The following CCSER2 variants were observed in gnomAD, a reference collection of about 807,000 sequenced individuals.
CCSER2 encodes the protein coiled-coil serine rich protein 2.
In CCSER2, 46 loss-of-function variants were observed where a neutral mutation model predicts 92.3. That is an observed-to-expected ratio of 0.50 (90% CI 0.39 to 0.64). The LOEUF is 0.64. Among genes scored for constraint, CCSER2 ranks in the 30% least tolerant of loss-of-function variants. The pLI is 0.00. For missense variants in CCSER2, 1,244 were observed against 1,238.9 expected (o/e 1.00, Z -0.06); for synonymous variants, 433 against 431.4 (o/e 1.00, Z -0.04).
At chr10:84,360,308 A>G (rs749027536) in intron 1 of CCSER2, among the ~76,000 whole-genome samples, 1 of 152,088 alleles carries the variant, frequency 6.6e-6, no homozygotes, top group African/African-American at 2.4e-5. Flanking sequence ...TTGTGATTCT[A>G]TCTTTTTTTC....
intron 3 of CCSER2, among the ~76,000 whole-genome samples, chr10:84,386,528 C>G (rs1175757355): frequency 6.6e-6 from 1 of 152,124 alleles, no homozygotes; most frequent in Non-Finnish European, 1.5e-5. Flanking sequence ...ACCAGCTTGG[C>G]CAACATGGCT....
At chr10:84,443,570 G>A (rs1013420905) in intron 6 of CCSER2, among the ~76,000 whole-genome samples, 1 of 152,160 alleles carries the variant, frequency 6.6e-6, no homozygotes, top group African/African-American at 2.4e-5. Context: ...CAACCATTGT[G>A]GAAGACAGTG....
chr10:84,460,963 T>C (rs1013847544), intron 6 of CCSER2, among the ~76,000 whole-genome samples: 3 of 152,176 alleles, frequency 2.0e-5, no homozygotes, highest in African/African-American at 7.2e-5. Flanking sequence ...TCAGTTTCAT[T>C]AATTTCTGCT....
At chr10:84,355,530 C>A (rs1845119999) in intron 1 of CCSER2, among the ~76,000 whole-genome samples, 1 of 152,192 alleles carries the variant, frequency 6.6e-6, no homozygotes, top group Non-Finnish European at 1.5e-5. Flanking sequence ...CCATGTGCTA[C>A]CCCATATACT....
At chr10:84,471,086 A>G (rs527614505) in intron 8 of CCSER2, among the ~76,000 whole-genome samples, 14 of 152,236 alleles carry the variant, frequency 9.2e-5, no homozygotes, top group African/African-American at 3.1e-4. Context: ...CTCAAAAGGA[A>G]ATCTTTGTTG....
At chr10:84,464,110 A>G in intron 7 of CCSER2, 94 bp downstream of exon 7, 1 of 645,286 alleles carries the variant, frequency 1.5e-6, no homozygotes, top group Non-Finnish European at 2.7e-6. Flanking sequence ...AAATGTATTA[A>G]TACCTAAAGC....
At chr10:84,383,302 T>TTTTA (rs1333734695) in intron 3 of CCSER2, among the ~76,000 whole-genome samples, 2 of 151,774 alleles carry the variant, frequency 1.3e-5, no homozygotes, top group African/African-American at 2.4e-5. Flanking sequence ...GCTTTGATCT[T>TTTTA]TTTATTTATT....
At chr10:84,337,739 G>A (rs967281518) in intron 1 of CCSER2, among the ~76,000 whole-genome samples, 2 of 152,156 alleles carry the variant, frequency 1.3e-5, no homozygotes, top group Non-Finnish European at 2.9e-5. Context: ...ATTTTGCCAA[G>A]GTTAAGGATG....
At position 84,372,319 on chromosome 10, in the gene CCSER2, G is replaced by A; in HGVS notation, c.1267G>A (p.Asp423Asn). Residue 423 changes from aspartate (D) to asparagine (N), a missense_variant, in exon 2 of 10, where the codon GAC becomes AAC. Asp to Asn is a conservative substitution (Grantham distance 23). Coordinates refer to ENST00000372088, the MANE Select transcript of CCSER2 (RefSeq NM_001284240.2). ...TAGTGATGATTTTATAGATATAGAA[G>A]ACTCCAACAGAACTAGAATAACTCC... ...DFSDDFIDIE[D>N]SNRTRITPEE... 1 of 1,612,002 alleles carries A rather than the reference G, an allele frequency of 6.2e-7. No homozygotes were observed. The highest frequency in any genetic ancestry group is 8.5e-7 in the Non-Finnish European group (1 of 1,178,744).
At chr10:84,442,689 A>T (rs1844649085) in intron 6 of CCSER2, among the ~76,000 whole-genome samples, 1 of 152,218 alleles carries the variant, frequency 6.6e-6, no homozygotes, top group Non-Finnish European at 1.5e-5. Flanking sequence ...TCAGTTAATT[A>T]ACTGGATATG....
At chr10:84,503,789 A>G (rs1848897815) in intron 9 of CCSER2, among the ~76,000 whole-genome samples, 1 of 152,196 alleles carries the variant, frequency 6.6e-6, no homozygotes, top group South Asian at 2.1e-4. Flanking sequence ...AAGTTCTTTT[A>G]AAACAATAAA....
intron 1 of CCSER2, among the ~76,000 whole-genome samples, chr10:84,358,728 G>A (rs1196007371): frequency 6.6e-6 from 1 of 150,506 alleles, no homozygotes; most frequent in East Asian, 1.9e-4. Flanking sequence ...ATTATACACA[G>A]ACACGTAATG....
chr10:84,417,954 C>T, intron 4 of CCSER2, 93 bp downstream of exon 4: 1 of 706,908 alleles, frequency 1.4e-6, no homozygotes, highest in Non-Finnish European at 2.6e-6. Flanking sequence ...ACTTCTTAAT[C>T]TTAATGGAGC....
chr10:84,513,203 C>G (rs896327252), intron 9 of CCSER2, among the ~76,000 whole-genome samples: 1 of 151,936 alleles, frequency 6.6e-6, no homozygotes, highest in Non-Finnish European at 1.5e-5. Flanking sequence ...TTAATGTTTT[C>G]TTTTTCTCAT....
At chr10:84,508,844 T>C (rs746805182) in intron 9 of CCSER2, among the ~76,000 whole-genome samples, 5 of 152,250 alleles carry the variant, frequency 3.3e-5, no homozygotes, top group South Asian at 2.1e-4. Flanking sequence ...ATCATTCTTA[T>C]ATGCTTTAAT....
intron 5 of CCSER2, among the ~76,000 whole-genome samples, chr10:84,427,527 C>T (rs61865055): frequency 7.2e-5 from 11 of 152,298 alleles, no homozygotes; most frequent in South Asian, 2.1e-4. Context: ...AGTATTGCTT[C>T]GCTTTCTTCT....
intron 6 of CCSER2, chr10:84,455,803 A>T (rs1845581900): frequency 9.6e-7 from 1 of 1,041,958 alleles, no homozygotes; most frequent in Admixed American, 1.7e-5. Flanking sequence ...TCACAGACTT[A>T]TCTGACTGAT....
chr10:84,362,705 T>A (rs1428754942), intron 1 of CCSER2, among the ~76,000 whole-genome samples: 1 of 152,210 alleles, frequency 6.6e-6, no homozygotes, highest in Non-Finnish European at 1.5e-5. Flanking sequence ...AGAGGCTTTG[T>A]GTTGAGCATG....
Position 84,371,310 on chromosome 10 carries a change from A to G in CCSER2, c.258A>G (p.Gln86=). Residue 86 remains glutamine (Q), a synonymous_variant, in exon 2 of 10, where the codon CAA becomes CAG. Coordinates refer to ENST00000372088, the MANE Select transcript of CCSER2 (RefSeq NM_001284240.2). ...GTGTCGAAGAGCCTAACAATACTCA[A>G]AATTCACATGATAAAATAATTGATC... is the stretch of plus-strand genomic sequence containing the variant. The part of the protein sequence containing the change: ...AQGVEEPNNT[Q]NSHDKIIDPE... 2 of 1,613,752 alleles carry G rather than the reference A, an allele frequency of 1.2e-6. No individual in the cohort carries two copies. The highest frequency in any genetic ancestry group is 1.3e-5 in the African/African-American group (1 of 75,034).
Sources: gnomAD v4.1 joint callset for allele counts (sites outside exome capture counted in the v4.1 genomes callset) on GRCh38, gnomAD v4.1.1 for gene constraint, MANE v1.5 for transcripts, NCBI Gene and HGNC (gene_info 2026-07-23, HGNC 2026-07-21) for gene names.